Variants in THUMPD2 observed in about 807,000 individuals in gnomAD.
The protein encoded by THUMPD2 is U6 snRNA (guanine-N(2))-methyltransferase THUMPD2.
Under a neutral mutation model 49.4 loss-of-function variants are expected in THUMPD2, and 56 were observed. That is an observed-to-expected ratio of 1.13 (90% confidence interval 0.91 to 1.41). The LOEUF is 1.41. Ranked by LOEUF, THUMPD2 falls within the 40% of genes most tolerant of loss-of-function variation. THUMPD2 has a pLI of 0.00. For missense variants in THUMPD2, 709 were observed against 594.5 expected, an observed-to-expected ratio of 1.19 and a Z score of -2.00; for synonymous variants, 237 against 205.2, an observed-to-expected ratio of 1.15 and a Z score of -1.32.
intron 9 of THUMPD2, among the ~76,000 whole-genome samples, chr2:39,738,604 T>TA (rs924209310): frequency 2.9e-5 from 4 of 138,776 alleles, no homozygotes; most frequent in African/African-American, 6.1e-5. Context: ...TATGTAAAAA[T>TA]ATATATATAA....
At chr2:39,753,262 C>G (rs1675656252) in intron 8 of THUMPD2, among the ~76,000 whole-genome samples, 1 of 152,126 alleles carries the variant, frequency 6.6e-6, no homozygotes, top group Admixed American at 6.5e-5. Context: ...GGAAGCTGCC[C>G]TTGACTTCTG....
At chr2:39,761,279 T>A (rs376984934) in intron 6 of THUMPD2, 52 bp downstream of exon 6, 5 of 1,503,818 alleles carry the variant, frequency 3.3e-6, no homozygotes, top group Non-Finnish European at 4.6e-6. Flanking sequence ...ACTGTATAAG[T>A]TAATTATGAA....
intron 8 of THUMPD2, among the ~76,000 whole-genome samples, chr2:39,753,303 T>G (rs1675660608): frequency 6.6e-6 from 1 of 152,154 alleles, no homozygotes; most frequent in Non-Finnish European, 1.5e-5. Context: ...ACTCCACCAA[T>G]GAGAAGCAGC....
intron 6 of THUMPD2, among the ~76,000 whole-genome samples, chr2:39,758,634 TTC>T (rs1676432773): frequency 6.6e-6 from 1 of 152,192 alleles, no homozygotes; most frequent in Admixed American, 6.5e-5. Flanking sequence ...GACTGACAGA[TTC>T]TCTTTACACT....
intron 1 of THUMPD2, among the ~76,000 whole-genome samples, chr2:39,774,695 T>A (rs1185887433): frequency 6.6e-6 from 1 of 152,224 alleles, no homozygotes; most frequent in Non-Finnish European, 1.5e-5. Flanking sequence ...TCTTTTTCTT[T>A]ACTGCTTGTA....
intron 9 of THUMPD2, among the ~76,000 whole-genome samples, chr2:39,740,151 C>T (rs548950345): frequency 2.0e-5 from 3 of 152,306 alleles, no homozygotes; most frequent in African/African-American, 7.2e-5. Context: ...AACTGTGATA[C>T]TGTGACTGTG....
intron 6 of THUMPD2, among the ~76,000 whole-genome samples, chr2:39,756,944 T>A (rs1676216615): frequency 8.4e-6 from 1 of 118,522 alleles, no homozygotes; most frequent in Non-Finnish European, 1.7e-5. Context: ...TAATAAATGG[T>A]ATTGGAGAAA....
intron 6 of THUMPD2, among the ~76,000 whole-genome samples, chr2:39,760,123 A>G (rs952137221): frequency 6.6e-6 from 1 of 152,200 alleles, no homozygotes; most frequent in Non-Finnish European, 1.5e-5. Context: ...ATACTCAAGG[A>G]AAGTTCTGGT....
At position 39,769,734 on chromosome 2, in the gene THUMPD2, A is replaced by G. The variant is rs1335024217; in HGVS notation, c.648T>C (p.Thr216=). Residue 216 remains threonine, a synonymous_variant, in exon 3 of 10, where the codon ACT becomes ACC. Transcript: ENST00000505747. The part of the protein sequence containing the change: ...TFRVSCRCSG[T]IGKAFTAQEV... ...CCTGTGCAGTGAAGGCCTTTCCAAT[A>G]GTTCCACTGCAGCGACAAGATACTC... 7 of 1,575,722 alleles carry G rather than the reference A, an allele frequency of 4.4e-6. No individual in the cohort carries two copies. In the South Asian group the frequency reaches 5.9e-5, roughly 13 times the overall value.
chr2:39,764,373 G>A (rs991364548), intron 5 of THUMPD2, among the ~76,000 whole-genome samples: 1 of 152,096 alleles, frequency 6.6e-6, no homozygotes, highest in Admixed American at 6.5e-5. Flanking sequence ...CAAACTTGCA[G>A]AGTTATAATA....
intron 5 of THUMPD2, 97 bp downstream of exon 5, chr2:39,765,960 G>T: frequency 1.0e-6 from 1 of 968,236 alleles, no homozygotes; most frequent in Non-Finnish European, 1.6e-6. Context: ...AGCCTTCTCT[G>T]TTATATGAAT....
Position 39,771,624 on chromosome 2 carries a change from C to T in THUMPD2, c.143G>A (p.Gly48Glu), listed in dbSNP as rs1443267892. The stretch of plus-strand genomic sequence containing the variant: ...AGAACAGGTGGTGAAAAAAACCTTT[C>T]CTGAAATATATTCAACCTAGAAATA... Reference protein sequence around the residue: ...LAATQVEYISGKVFFTTCSDL... With the variant: ...LAATQVEYISEKVFFTTCSDL... The change falls in exon 2 of 10, where the codon GGA becomes GAA. Residue 48 changes from glycine (G) to glutamate (E), a missense_variant. Gly to Glu is a moderately conservative substitution (Grantham distance 98). Transcript: ENST00000505747. 1.2e-6 allele frequency: 2 copies of T among 1,602,394 alleles called. No individual in the cohort carries two copies. The highest frequency in any genetic ancestry group is 2.3e-5 in the East Asian group (1 of 44,402).
At chr2:39,775,222 T>C (rs1678914662) in intron 1 of THUMPD2, among the ~76,000 whole-genome samples, 1 of 152,160 alleles carries the variant, frequency 6.6e-6, no homozygotes, top group Admixed American at 6.6e-5. Context: ...AAGGTTGCAG[T>C]GATCTGTGAT....
At chr2:39,744,579 G>C (rs956373930) in intron 8 of THUMPD2, 101 bp from the exon 9 acceptor site, 34 of 724,324 alleles carry the variant, frequency 4.7e-5, no homozygotes, top group South Asian at 6.3e-5. Context: ...TTGCGTAACA[G>C]ATTAACATTT....
intron 3 of THUMPD2, 100 bp downstream of exon 3, chr2:39,769,610 A>G (rs1050087420): frequency 3.3e-5 from 42 of 1,264,614 alleles, no homozygotes; most frequent in Non-Finnish European, 4.0e-5. Flanking sequence ...GCTGAGGCAA[A>G]AGAATCACCT....
In THUMPD2 at chr2:39,737,034, C is replaced by T; in HGVS notation, c.1213G>A (p.Val405Ile). ...ERVLHVGGTIVLLLSEDHHRR... is the reference protein window; with the variant it reads ...ERVLHVGGTIILLLSEDHHRR... ...TGGTGATCTTCACTAAGCAACAATA[C>T]AATGGTTCCGCCAACATGAAGCACT... The change falls in exon 10 of 10, where the codon GTA becomes ATA. Residue 405 changes from valine (V) to isoleucine (I), a missense_variant. By Grantham distance (29) the Val-to-Ile change is conservative (BLOSUM62 3). Coordinates refer to ENST00000505747, the MANE Select transcript of THUMPD2 (RefSeq NM_025264.5). 6.2e-7 allele frequency: 1 copy of T among 1,610,458 alleles called. No individual in the cohort carries two copies. Among genetic ancestry groups the T allele is most frequent in the African/African-American group, 1.3e-5 (1 of 74,782 alleles).
chr2:39,744,691 GT>G (rs1333230110), intron 8 of THUMPD2: 2 of 330,432 alleles, frequency 6.1e-6, no homozygotes, highest in African/African-American at 4.3e-5. Flanking sequence ...TTGAAAATTG[GT>G]TTTTCAGATA....
intron 9 of THUMPD2, among the ~76,000 whole-genome samples, chr2:39,743,480 C>A (rs1674174266): frequency 6.6e-6 from 1 of 152,148 alleles, no homozygotes; most frequent in South Asian, 2.1e-4. Context: ...CCCTATACCT[C>A]ATGTTGAAAT....
intron 8 of THUMPD2, among the ~76,000 whole-genome samples, chr2:39,750,154 G>A (rs1005964800): frequency 1.3e-5 from 2 of 152,052 alleles, no homozygotes; most frequent in South Asian, 2.1e-4. Context: ...TTCTGCCTCC[G>A]GATCTTTGAG....
Sources: allele counts gnomAD v4.1 joint callset (sites outside exome capture counted in the v4.1 genomes callset), GRCh38; gene constraint gnomAD v4.1.1; transcripts MANE v1.5; gene names NCBI Gene and HGNC (gene_info 2026-07-23, HGNC 2026-07-21).